The following PDLIM1 variants were observed in gnomAD, a reference collection of about 807,000 sequenced individuals.
PDLIM1 encodes PDZ and LIM domain protein 1.
In PDLIM1, 25 loss-of-function variants were observed where a neutral mutation model predicts 35.2. That is an observed-to-expected ratio of 0.71 (90% CI 0.52 to 0.99). The LOEUF (loss-of-function observed/expected upper bound fraction) is 0.99. PDLIM1 is among the 50% of genes least tolerant of loss of function. The pLI, the probability that PDLIM1 is intolerant of heterozygous loss-of-function variation, is 0.00. For synonymous variants in PDLIM1, 152 were observed against 154.0 expected (o/e 0.99, Z 0.10); for missense variants, 363 against 415.3 (o/e 0.87, Z 1.09).
chr10:95,243,484 AC>A (rs1420660322), intron 5 of PDLIM1, among the ~76,000 whole-genome samples: 2 of 152,136 alleles, frequency 1.3e-5, no homozygotes, highest in African/African-American at 4.8e-5. Flanking sequence ...ACTTCACACT[AC>A]CTTTAGAATC....
chr10:95,286,640 T>A (rs759818646), intron 1 of PDLIM1, among the ~76,000 whole-genome samples: 15 of 152,172 alleles, frequency 9.9e-5, no homozygotes, highest in Non-Finnish European at 1.9e-4. Context: ...AAATAATCCT[T>A]TAAAAGTTAG....
At position 95,268,781 on chromosome 10, in the gene PDLIM1, G is replaced by C; in HGVS notation, c.330C>G (p.Pro110=). ...GCAACGATGAGCAAGAACTTACCTG[G>C]GGTTCAGAGGCTAAATTCATCTTGT... ...HPYKMNLASE[P]QEVLHIGSAH... Residue 110 remains proline, a synonymous_variant, in exon 3 of 7, where the codon CCC becomes CCG. Transcript: ENST00000329399. 6.2e-7 allele frequency: 1 copy of C among 1,605,794 alleles called. No individual in the cohort carries two copies. Among genetic ancestry groups the C allele is most frequent in the Non-Finnish European group, 8.5e-7 (1 of 1,172,410 alleles).
chr10:95,273,821 G>A (rs1265861745), intron 1 of PDLIM1, among the ~76,000 whole-genome samples: 3 of 152,236 alleles, frequency 2.0e-5, no homozygotes, highest in Admixed American at 6.5e-5. Context: ...AAATTCCTCC[G>A]TTTTCTGACC....
At chr10:95,247,108 T>C (rs1452335170) in intron 5 of PDLIM1, 107 bp downstream of exon 5, 27 of 906,546 alleles carry the variant, frequency 3.0e-5, no homozygotes, top group Non-Finnish European at 4.6e-5. Context: ...TAAAAGCCCA[T>C]GCCCTCCAAA....
At chr10:95,273,914 C>T (rs375474369) in intron 1 of PDLIM1, among the ~76,000 whole-genome samples, 49 of 152,288 alleles carry the variant, frequency 3.2e-4, no homozygotes, top group African/African-American at 1.1e-3. Flanking sequence ...AGTTTTTAAA[C>T]GGCTCTAAGC....
At position 95,238,625 on chromosome 10, in the gene PDLIM1, G is replaced by A. The variant is rs565368926; in HGVS notation, c.746C>T (p.Ala249Val). The A allele has an allele frequency of 2.1e-5, 34 of 1,613,984 alleles. No homozygotes were observed. The highest frequency in any genetic ancestry group is 6.7e-5 in the Admixed American group (4 of 60,024). The change falls in exon 6 of 7, where the codon GCG becomes GTG. Residue 249 changes from alanine (A) to valine (V), a missense_variant. Coordinates refer to ENST00000329399, the MANE Select transcript of PDLIM1 (RefSeq NM_020992.4). ...SVKAPVTKVA[A>V]SIGNAQKLPM... ...CAACTTCTGAGCATTTCCAATCGACGCAGCCACTTTAGTGACAGGAGCTTT... is the reference window on the plus strand; with the variant it reads ...CAACTTCTGAGCATTTCCAATCGACACAGCCACTTTAGTGACAGGAGCTTT...
chr10:95,251,141 C>T (rs1007631204), intron 4 of PDLIM1, among the ~76,000 whole-genome samples: 1 of 152,014 alleles, frequency 6.6e-6, no homozygotes, highest in Non-Finnish European at 1.5e-5. Context: ...AGCAGTACGC[C>T]CATGGCTCTG....
chr10:95,246,890 C>G (rs1291229220), intron 5 of PDLIM1, among the ~76,000 whole-genome samples: 1 of 152,152 alleles, frequency 6.6e-6, no homozygotes, highest in African/African-American at 2.4e-5. Context: ...GGGCTCAAAG[C>G]AAATAAATGG....
intron 2 of PDLIM1, among the ~76,000 whole-genome samples, chr10:95,270,282 T>C (rs2035452894): frequency 6.6e-6 from 1 of 151,254 alleles, no homozygotes. Flanking sequence ...GTGTACAAAA[T>C]ATTTTTATAT....
Position 95,237,952 on chromosome 10 carries a change from A to G in PDLIM1, c.963T>C (p.Tyr321=), listed in dbSNP as rs562977612. 47 of 1,614,092 alleles carry G rather than the reference A, an allele frequency of 2.9e-5. No homozygotes were observed. Among genetic ancestry groups the G allele is most frequent in the Non-Finnish European group, 3.9e-5 (46 of 1,180,028 alleles). The change falls in exon 7 of 7, where the codon TAT becomes TAC. Residue 321 remains tyrosine, a synonymous_variant. Transcript: ENST00000329399. ...ARERVTPPEG[Y]EVVTVFPK ...ACTTGGGGAACACAGTGACCACTTC[A>G]TAACCCTCAGGTGGTGTGACTCGCT...
intron 1 of PDLIM1, among the ~76,000 whole-genome samples, chr10:95,275,940 A>C (rs1029946075): frequency 1.3e-5 from 2 of 152,216 alleles, no homozygotes; most frequent in Non-Finnish European, 2.9e-5. Flanking sequence ...AATCTCAGAA[A>C]GTCACAAGCA....
chr10:95,277,913 C>T (rs1274414264), intron 1 of PDLIM1, among the ~76,000 whole-genome samples: 1 of 152,140 alleles, frequency 6.6e-6, no homozygotes, highest in African/African-American at 2.4e-5. Flanking sequence ...TAAATAAAAT[C>T]GGATGATGAT....
intron 1 of PDLIM1, among the ~76,000 whole-genome samples, chr10:95,286,356 CA>C (rs71974459): frequency 4.9e-4 from 72 of 146,254 alleles, no homozygotes; most frequent in Admixed American, 4.8e-4. Context: ...CACCCTGTCT[CA>C]AAAAAAAAAA....
chr10:95,249,931 C>T (rs1436437946), intron 4 of PDLIM1, among the ~76,000 whole-genome samples: 4 of 152,310 alleles, frequency 2.6e-5, no homozygotes, highest in Non-Finnish European at 4.4e-5. Flanking sequence ...AGCAGCTATC[C>T]CTGCCTGTCC....
At chr10:95,244,946 C>T (rs1460052064) in intron 5 of PDLIM1, among the ~76,000 whole-genome samples, 3 of 152,072 alleles carry the variant, frequency 2.0e-5, no homozygotes, top group East Asian at 1.9e-4. Flanking sequence ...GTTCCTTCCC[C>T]GAAGAGCCTT....
At chr10:95,282,777 T>C (rs556690910) in intron 1 of PDLIM1, among the ~76,000 whole-genome samples, 1 of 152,214 alleles carries the variant, frequency 6.6e-6, no homozygotes, top group South Asian at 2.1e-4. Context: ...ACCCCATCTC[T>C]ACTAAAAATA....
chr10:95,288,945 C>T (rs536506053), intron 1 of PDLIM1, among the ~76,000 whole-genome samples: 20 of 152,198 alleles, frequency 1.3e-4, no homozygotes, highest in Admixed American at 7.8e-4. Context: ...CACGTGCACA[C>T]GCCATAAATA....
intron 1 of PDLIM1, among the ~76,000 whole-genome samples, chr10:95,287,622 C>T (rs2035613711): frequency 6.6e-6 from 1 of 151,782 alleles, no homozygotes; most frequent in Non-Finnish European, 1.5e-5. Context: ...CTGAAGGCTT[C>T]CCTTGAAAGT....
intron 4 of PDLIM1, among the ~76,000 whole-genome samples, chr10:95,248,960 A>C (rs1278581302): frequency 1.3e-5 from 2 of 152,232 alleles, no homozygotes; most frequent in Middle Eastern, 3.4e-3. Flanking sequence ...CCACATCCCC[A>C]CTATCACTCT....
Sources: gnomAD v4.1 joint callset for allele counts (sites outside exome capture counted in the v4.1 genomes callset) on GRCh38, gnomAD v4.1.1 for gene constraint, MANE v1.5 for transcripts, NCBI Gene and HGNC (gene_info 2026-07-23, HGNC 2026-07-21) for gene names.